PTPRK: variants seen among roughly 807,000 people sequenced by gnomAD.
PTPRK encodes protein tyrosine phosphatase receptor type K, also known as receptor-type tyrosine-protein phosphatase kappa.
PTPRK carries 75 observed loss-of-function variants against 178.0 expected under a neutral mutation model. That is an observed-to-expected ratio of 0.42 (90% CI 0.35 to 0.51). The LOEUF (loss-of-function observed/expected upper bound fraction) is 0.51, where lower values mean the gene tolerates loss of function less well. Among genes scored for constraint, PTPRK ranks in the 20% least tolerant of loss-of-function variants. PTPRK has a pLI of 0.02. For missense variants in PTPRK, 1,441 were observed against 1,797.8 expected, an observed-to-expected ratio of 0.80 and a Z score of 3.59; for synonymous variants, 637 against 620.6, an observed-to-expected ratio of 1.03 and a Z score of -0.39.
chr6:128,343,975 C>T (rs533088914), intron 2 of PTPRK, among the ~76,000 whole-genome samples: 59 of 152,298 alleles, frequency 3.9e-4, no homozygotes, highest in African/African-American at 5.8e-4. Context: ...AAGTGATTTT[C>T]GTAACACTTC....
chr6:128,396,085 A>G (rs967379751), intron 2 of PTPRK, among the ~76,000 whole-genome samples: 3 of 151,840 alleles, frequency 2.0e-5, no homozygotes, highest in African/African-American at 7.2e-5. Context: ...TTGATCAGCA[A>G]GTTCAGGGAT....
At chr6:128,441,484 T>C (rs1258940935) in intron 1 of PTPRK, among the ~76,000 whole-genome samples, 2 of 152,040 alleles carry the variant, frequency 1.3e-5, no homozygotes, top group African/African-American at 2.4e-5. Context: ...ATTAAAACAA[T>C]TGGCAAACAG....
intron 1 of PTPRK, among the ~76,000 whole-genome samples, chr6:128,401,737 C>A (rs1841046631): frequency 6.6e-6 from 1 of 151,978 alleles, no homozygotes; most frequent in Non-Finnish European, 1.5e-5. Flanking sequence ...AAAGAACAAG[C>A]TTTATTTAGC....
chr6:128,322,377 A>G (rs1055124295), intron 2 of PTPRK, 67 bp from the exon 3 acceptor site: 22 of 1,408,570 alleles, frequency 1.6e-5, no homozygotes, highest in Non-Finnish European at 2.1e-5. Flanking sequence ...TAACAATAAA[A>G]ATATGCTAAT....
chr6:128,437,499 C>T (rs904775080), intron 1 of PTPRK, among the ~76,000 whole-genome samples: 2 of 152,098 alleles, frequency 1.3e-5, no homozygotes, highest in African/African-American at 2.4e-5. Flanking sequence ...ATCCAAGAAC[C>T]CACTCTTGGG....
intron 1 of PTPRK, among the ~76,000 whole-genome samples, chr6:128,404,805 A>G (rs1841463045): frequency 6.6e-6 from 1 of 152,210 alleles, no homozygotes; most frequent in Non-Finnish European, 1.5e-5. Flanking sequence ...AAGAAGAAAA[A>G]ATGAAACTTG....
chr6:128,004,109 G>A (rs1778153805), intron 15 of PTPRK, among the ~76,000 whole-genome samples: 1 of 151,748 alleles, frequency 6.6e-6, no homozygotes, highest in Admixed American at 6.6e-5. Context: ...TTGTACAGGA[G>A]ATAATACTTA....
At position 128,297,574 on chromosome 6, in the gene PTPRK, C is replaced by T. The variant is rs571318758; in HGVS notation, c.495+24465G>A. ...CTAGAACTCAGCATTAAGAAACTCACTTAAAATCGCTCAACTACATGGAAA... is the reference window on the plus strand; with the variant it reads ...CTAGAACTCAGCATTAAGAAACTCATTTAAAATCGCTCAACTACATGGAAA... On this transcript the variant is annotated intron_variant, in intron 3 of 29. Transcript: ENST00000368226. Among the ~76,000 whole-genome samples the T allele has an allele frequency of 6.2e-4, 94 of 152,320 alleles. 1 individual carries two copies. The highest frequency in any genetic ancestry group is 1.9e-3 in the African/African-American group (80 of 41,574).
At chr6:128,207,209 A>C (rs1044878633) in intron 6 of PTPRK, among the ~76,000 whole-genome samples, 4 of 151,900 alleles carry the variant, frequency 2.6e-5, no homozygotes, top group African/African-American at 9.7e-5. Context: ...ATTGTCCTGG[A>C]CTCTCACATT....
At chr6:128,364,667 G>A (rs1047038596) in intron 2 of PTPRK, among the ~76,000 whole-genome samples, 1 of 151,868 alleles carries the variant, frequency 6.6e-6, no homozygotes, top group African/African-American at 2.4e-5. Flanking sequence ...CTCCTAAGCA[G>A]CAATTATTGG....
chr6:128,188,188 T>C (rs1278251352), intron 6 of PTPRK, among the ~76,000 whole-genome samples: 1 of 152,188 alleles, frequency 6.6e-6, no homozygotes, highest in East Asian at 1.9e-4. Flanking sequence ...CTTACATTCA[T>C]TATTCTAGAA....
At chr6:128,356,339 T>G (rs1833959830) in intron 2 of PTPRK, among the ~76,000 whole-genome samples, 1 of 152,214 alleles carries the variant, frequency 6.6e-6, no homozygotes, top group African/African-American at 2.4e-5. Context: ...ATCAACGGAC[T>G]TCCTCATTTG....
At chr6:128,125,714 A>G (rs1415824680) in intron 7 of PTPRK, among the ~76,000 whole-genome samples, 1 of 147,262 alleles carries the variant, frequency 6.8e-6, no homozygotes, top group East Asian at 2.0e-4. Flanking sequence ...GGTTCAAGCA[A>G]TTCTTCTGCC....
At chr6:128,001,348 A>C (rs1193147076) in intron 15 of PTPRK, 5 of 512,282 alleles carry the variant, frequency 9.8e-6, no homozygotes, top group East Asian at 8.9e-5. Context: ...AAATACAAAA[A>C]TGATTGGATG....
rs1415612274 is a variant in PTPRK at position 127,985,827 on chromosome 6, A to G, written c.3145T>C (p.Trp1049Arg). 1 of 1,613,938 alleles carries G rather than the reference A, an allele frequency of 6.2e-7. No homozygotes were observed. The highest frequency in any genetic ancestry group is 1.7e-5 in the Admixed American group (1 of 60,018). ...TGGTAGGGCACTCCATGGTCAGGCC[A>G]GCCCGTGAAATGGAACTGTTTAACT... The part of the protein sequence containing the change: ...REVKQFHFTG[W>R]PDHGVPYHAT... The change falls in exon 22 of 30, where the codon TGG becomes CGG. Residue 1049 changes from tryptophan to arginine, a missense_variant. By Grantham distance (101) the Trp-to-Arg change is moderately radical. This residue lies in a region of PTPRK where 335 missense variants were observed against 512.4 expected (regional missense o/e 0.65). Coordinates refer to ENST00000368226, the MANE Select transcript of PTPRK (RefSeq NM_002844.4).
chr6:128,341,146 T>C (rs1831604977), intron 2 of PTPRK, among the ~76,000 whole-genome samples: 1 of 152,188 alleles, frequency 6.6e-6, no homozygotes, highest in Admixed American at 6.5e-5. Flanking sequence ...TGATTTTTTT[T>C]CTATATGTAC....
intron 6 of PTPRK, among the ~76,000 whole-genome samples, chr6:128,213,108 T>C (rs1808534147): frequency 6.6e-6 from 1 of 152,074 alleles, no homozygotes; most frequent in South Asian, 2.1e-4. Context: ...TTTGAAAATG[T>C]ATGTTTAATG....
intron 1 of PTPRK, among the ~76,000 whole-genome samples, chr6:128,485,208 T>TTTTTTTTTTTTTTTTTTTTTTTGAGACGG (rs1852634204): frequency 6.6e-6 from 1 of 152,236 alleles, no homozygotes; most frequent in Non-Finnish European, 1.5e-5. Context: ...TAATCAGTTT[T>TTTTTTTTTTTTTTTTTTTTTTTGAGACGG]AAAAATTTAG....
In PTPRK at chr6:128,004,486, CAGAT is replaced by C. The variant is rs1372752355; in HGVS notation, c.2494+594_2494+597del. On this transcript the variant is annotated intron_variant, in intron 15 of 29. Transcript: ENST00000368226. ...AGACCAACATTAGGAATTTTCAAGA[CAGAT>C]GGATGGATGAATTTCACTATGCCTT... Among the ~76,000 whole-genome samples the C allele has an allele frequency of 4.6e-5, 7 of 151,854 alleles. No individual in the cohort carries two copies. The East Asian group carries it at 7.8e-4, about 17-fold the overall frequency.
Sources: allele counts gnomAD v4.1 joint callset (sites outside exome capture counted in the v4.1 genomes callset), GRCh38; gene constraint gnomAD v4.1.1; regional missense constraint gnomAD v4.1.1; transcripts MANE v1.5; gene names NCBI Gene and HGNC (gene_info 2026-07-23, HGNC 2026-07-21).